PKHD1: variants seen among roughly 807,000 people sequenced by gnomAD.
PKHD1 encodes the protein PKHD1 ciliary IPT domain containing fibrocystin/polyductin, also known as fibrocystin.
A neutral mutation model predicts 412.0 loss-of-function variants in PKHD1; 291 were observed. That is an observed-to-expected ratio of 0.71 (90% CI 0.64 to 0.78). The LOEUF (loss-of-function observed/expected upper bound fraction) is 0.78, where lower values mean the gene tolerates loss of function less well. Among genes scored for constraint, PKHD1 ranks in the 30% least tolerant of loss-of-function variants. The pLI, the probability that PKHD1 is intolerant of heterozygous loss-of-function variation, is 0.00. For synonymous variants in PKHD1, 1,777 were observed against 1,821.5 expected (o/e 0.98, Z 0.62); for missense variants, 4,825 against 4,950.7 (o/e 0.97, Z 0.76).
intron 46 of PKHD1, among the ~76,000 whole-genome samples, chr6:51,874,887 C>G (rs1418098354): frequency 1.0e-5 from 1 of 96,700 alleles, no homozygotes; most frequent in African/African-American, 4.2e-5. Flanking sequence ...AGACAGTGGG[C>G]GCAGGCCAGT....
intron 35 of PKHD1, among the ~76,000 whole-genome samples, chr6:51,970,388 T>C (rs1793485211): frequency 6.6e-6 from 1 of 152,210 alleles, no homozygotes; most frequent in African/African-American, 2.4e-5. Context: ...TATTTTCTAC[T>C]GTTCTGCAGG....
chr6:51,877,103 G>C (rs1391598062), intron 46 of PKHD1, among the ~76,000 whole-genome samples: 1 of 28,386 alleles, frequency 3.5e-5, no homozygotes, highest in Non-Finnish European at 5.2e-5. Context: ...GGAGCACCCA[G>C]ATTCATAAAG....
intron 60 of PKHD1, among the ~76,000 whole-genome samples, chr6:51,666,800 T>C (rs949672582): frequency 2.6e-5 from 4 of 151,036 alleles, no homozygotes; most frequent in African/African-American, 9.7e-5. Context: ...CAGTGTTTGG[T>C]TTTTTGTTCT....
intron 6 of PKHD1, 62 bp from the exon 7 acceptor site, chr6:52,073,603 A>C (rs1282245401): frequency 1.0e-6 from 1 of 991,382 alleles, no homozygotes; most frequent in East Asian, 2.4e-5. Flanking sequence ...TATAATAAAA[A>C]ACCATGTTTC....
chr6:51,866,558 T>A (rs1193136499), intron 48 of PKHD1, among the ~76,000 whole-genome samples: 4 of 152,124 alleles, frequency 2.6e-5, no homozygotes, highest in Non-Finnish European at 4.4e-5. Flanking sequence ...CATTGACAAG[T>A]GCCTCTCCAA....
chr6:51,981,562 G>C (rs1202718425), intron 35 of PKHD1, among the ~76,000 whole-genome samples: 1 of 149,438 alleles, frequency 6.7e-6, no homozygotes. Context: ...CGAGTGATCC[G>C]CCAGCCTCGG....
Position 51,638,921 on chromosome 6 carries a change from T to C in PKHD1, c.11434A>G (p.Ser3812Gly). Residue 3812 changes from serine (S) to glycine (G), a missense_variant, in exon 64 of 67, where the codon AGC (serine) becomes GGC (glycine). By Grantham distance (56) the Ser-to-Gly change is moderately conservative (BLOSUM62 0). Transcript: ENST00000371117. ...TQAETQDGYVSFYNLAVLISG... is the reference protein window; with the variant it reads ...TQAETQDGYVGFYNLAVLISG... ...ATCAAGACTGCCAAGTTGTAGAAGC[T>C]AACATAACCATCTTGAGTTTCTGCC... 1.9e-6 allele frequency: 3 copies of C among 1,613,744 alleles called. No homozygotes were observed. The highest frequency in any genetic ancestry group is 2.5e-6 in the Non-Finnish European group (3 of 1,179,776).
chr6:51,626,895 T>C, intron 66 of PKHD1, 102 bp downstream of exon 66: 1 of 1,245,696 alleles, frequency 8.0e-7, no homozygotes, highest in Admixed American at 1.7e-5. Context: ...AAGAAGGGGC[T>C]ATAAACCAAA....
intron 60 of PKHD1, among the ~76,000 whole-genome samples, chr6:51,701,287 C>CA: frequency 6.6e-6 from 1 of 152,106 alleles, no homozygotes; most frequent in East Asian, 1.9e-4. Context: ...TAGAATTAAG[C>CA]AAAAAATTAG....
chr6:51,672,277 T>C (rs1443070175), intron 60 of PKHD1, among the ~76,000 whole-genome samples: 1 of 152,182 alleles, frequency 6.6e-6, no homozygotes, highest in African/African-American at 2.4e-5. Flanking sequence ...ATCAAATGCA[T>C]GTCCAACTCA....
intron 60 of PKHD1, among the ~76,000 whole-genome samples, chr6:51,739,799 A>G (rs988420737): frequency 1.3e-5 from 2 of 151,278 alleles, no homozygotes; most frequent in African/African-American, 4.9e-5. Context: ...TTTTTTTGTC[A>G]TGGCTGAGAA....
chr6:51,619,032 A>C lies in PKHD1; in HGVS notation c.*49T>G. The C allele has an allele frequency of 6.5e-7, 1 of 1,545,600 alleles. No homozygotes were observed. Among genetic ancestry groups the C allele is most frequent in the Non-Finnish European group, 8.9e-7 (1 of 1,118,674 alleles). ...CACTTCCCCAGCTTATTATCCAGAA[A>C]TACTGGGAACATTCTGCCTTTCAGG... On this transcript the variant is annotated 3_prime_UTR_variant, in exon 67 of 67. Transcript: ENST00000371117.
In PKHD1 at chr6:51,746,846, G is replaced by A; in HGVS notation, c.9873C>T (p.Asp3291=). ...SSFVKSCYSD[D]LDVCILPNAE... is the part of the protein sequence containing the mutation. ...CATTTGGTAGAATGCAGACATCCAGGTCATCGCTATAGCAACTCTTCACAA... is the reference window on the plus strand; with the variant it reads ...CATTTGGTAGAATGCAGACATCCAGATCATCGCTATAGCAACTCTTCACAA... The change falls in exon 59 of 67, where the codon GAC becomes GAT. Residue 3291 remains aspartate (D), a synonymous_variant. Transcript: ENST00000371117. 2.5e-6 allele frequency: 4 copies of A among 1,610,562 alleles called. No individual in the cohort carries two copies. In the Middle Eastern group the frequency reaches 6.6e-4, roughly 266 times the overall value.
intron 11 of PKHD1, among the ~76,000 whole-genome samples, chr6:52,067,277 C>A (rs1562274206): frequency 6.6e-6 from 1 of 152,140 alleles, no homozygotes; most frequent in Non-Finnish European, 1.5e-5. Context: ...TTTTTTTACA[C>A]TAGCACTGGA....
chr6:52,043,670 G>A lies in PKHD1; in HGVS notation c.2776C>T (p.Leu926Phe). 4 of 1,613,494 alleles carry A rather than the reference G, an allele frequency of 2.5e-6. No homozygotes were observed. The highest frequency in any genetic ancestry group is 3.4e-6 in the Non-Finnish European group (4 of 1,179,522). ...TGGACACAGGGAGTTGACCCTTGGA[G>A]GTACTGGAAAGAGCAGGAACCTGGG... ...HCPGSCSFQY[L>F]QGSTPCVHSV... is the part of the protein sequence containing the mutation. Residue 926 changes from leucine to phenylalanine, a missense_variant, in exon 26 of 67, where the codon CTC becomes TTC. Transcript: ENST00000371117.
chr6:52,055,529 C>CAG, intron 19 of PKHD1, 58 bp downstream of exon 19: 1 of 1,585,060 alleles, frequency 6.3e-7, no homozygotes, highest in Non-Finnish European at 8.7e-7. Context: ...GTCTTGAATC[C>CAG]AGAGAGCAAT....
intron 43 of PKHD1, among the ~76,000 whole-genome samples, chr6:51,889,936 T>C (rs909134913): frequency 1.3e-5 from 2 of 152,096 alleles, no homozygotes; most frequent in African/African-American, 2.4e-5. Context: ...GGAGAATCCA[T>C]TGCCAGGTAC....
At chr6:51,647,897 T>A in intron 63 of PKHD1, 134 bp downstream of exon 63, 2 of 690,744 alleles carry the variant, frequency 2.9e-6, no homozygotes, top group Non-Finnish European at 5.3e-6. Flanking sequence ...AGATTAGGGA[T>A]GAAGGAGTTT....
chr6:51,960,103 T>C, intron 35 of PKHD1, 77 bp from the exon 36 acceptor site: 1 of 1,315,892 alleles, frequency 7.6e-7, no homozygotes, highest in Non-Finnish European at 1.1e-6. Context: ...GGTTCGCTGG[T>C]TTGTTGGTTT....
Sources: allele counts gnomAD v4.1 joint callset (sites outside exome capture counted in the v4.1 genomes callset), GRCh38; gene constraint gnomAD v4.1.1; transcripts MANE v1.5; gene names NCBI Gene and HGNC (gene_info 2026-07-23, HGNC 2026-07-21).